The following RALYL variants were observed in gnomAD, a reference collection of about 807,000 sequenced individuals.
RALYL encodes RNA-binding Raly-like protein.
Under a neutral mutation model 35.1 loss-of-function variants are expected in RALYL, and 29 were observed. The ratio of observed to expected loss-of-function variants is 0.83; its 90% CI spans 0.61 to 1.13. RALYL has a LOEUF of 1.13. Among genes scored for constraint, RALYL ranks in the 50% most tolerant of loss-of-function variants. RALYL has a pLI of 0.00. For missense variants in RALYL, 359 were observed against 360.4 expected (o/e 1.00, Z 0.03); for synonymous variants, 120 against 127.6 (o/e 0.94, Z 0.40).
intron 1 of RALYL, among the ~76,000 whole-genome samples, chr8:84,445,611 G>A (rs1362658362): frequency 6.6e-6 from 1 of 151,498 alleles, no homozygotes; most frequent in Non-Finnish European, 1.5e-5. Flanking sequence ...AAAAAGAATG[G>A]TTAATACTGA....
Position 84,278,947 on chromosome 8 carries a change from A to G in RALYL, c.-24+94523A>G, listed in dbSNP as rs996492775. 7.2e-5 allele frequency among the ~76,000 whole-genome samples: 11 copies of G among 152,186 alleles called. 1 individual carries two copies. The highest frequency in any genetic ancestry group is 2.7e-4 in the African/African-American group (11 of 41,450). ...CCATGTTTTCAGGTATCTTTATAGT[A>G]GCACCTCACTCCTGGTACCAATTTA... On this transcript the variant is annotated intron_variant, in intron 1 of 8. Transcript: ENST00000521268.
intron 2 of RALYL, among the ~76,000 whole-genome samples, chr8:84,741,865 T>G (rs1807429618): frequency 1.3e-5 from 2 of 152,038 alleles, no homozygotes; most frequent in South Asian, 4.1e-4. Flanking sequence ...ACTGTTTTCA[T>G]TGTTAGTAGA....
At chr8:84,389,752 A>G (rs868044060) in intron 1 of RALYL, among the ~76,000 whole-genome samples, 2,824 of 147,384 alleles carry the variant, frequency 0.019, 57 homozygotes, top group African/African-American at 0.06. Context: ...GGCTGAGACA[A>G]TGGGGTTTTC....
intron 1 of RALYL, among the ~76,000 whole-genome samples, chr8:84,338,936 A>G (rs1264557378): frequency 1.3e-5 from 2 of 152,130 alleles, no homozygotes; most frequent in African/African-American, 2.4e-5. Flanking sequence ...AAGTGTATAG[A>G]AATTTTAAAA....
At chr8:84,849,384 A>G (rs1228937823) in intron 4 of RALYL, among the ~76,000 whole-genome samples, 1 of 152,066 alleles carries the variant, frequency 6.6e-6, no homozygotes, top group Non-Finnish European at 1.5e-5. Context: ...GGGTTATTAA[A>G]CCTTTCCATT....
At chr8:84,222,214 A>T (rs1385381407) in intron 1 of RALYL, among the ~76,000 whole-genome samples, 1 of 152,156 alleles carries the variant, frequency 6.6e-6, no homozygotes, top group African/African-American at 2.4e-5. Flanking sequence ...TTAAAAATTG[A>T]TTGCAAGTGT....
chr8:84,504,268 A>G (rs1399875163), intron 1 of RALYL, among the ~76,000 whole-genome samples: 1 of 152,120 alleles, frequency 6.6e-6, no homozygotes, highest in Non-Finnish European at 1.5e-5. Flanking sequence ...AATAACAATG[A>G]CCTATTCATT....
intron 2 of RALYL, among the ~76,000 whole-genome samples, chr8:84,734,417 A>G (rs1052660163): frequency 2.0e-5 from 3 of 152,142 alleles, no homozygotes; most frequent in Admixed American, 6.6e-5. Context: ...TTAAGGTACA[A>G]CTTTATAAAA....
chr8:84,718,790 A>G (rs1180712792), intron 2 of RALYL, among the ~76,000 whole-genome samples: 5 of 152,062 alleles, frequency 3.3e-5, no homozygotes. Context: ...GAAAGAAAAG[A>G]AAATAAACGT....
rs148992901 is a variant in RALYL, at chr8:84,451,074, T to C, written c.-23-78225T>C. Among the ~76,000 whole-genome samples the C allele has an allele frequency of 5.9e-5, 9 of 152,076 alleles. 2 individuals are homozygous for C. Among genetic ancestry groups the C allele is most frequent in the African/African-American group, 2.2e-4 (9 of 41,530 alleles). On this transcript the variant is annotated intron_variant, in intron 1 of 8. Transcript: ENST00000521268. The stretch of plus-strand genomic sequence containing the variant: ...TAAGTAAGAATATTTCAAGTAAGCA[T>C]TTCCAATTTCTATTCGGGTAAATAA...
intron 1 of RALYL, among the ~76,000 whole-genome samples, chr8:84,193,080 T>G (rs1001807745): frequency 1.3e-5 from 2 of 152,290 alleles, no homozygotes; most frequent in Admixed American, 1.3e-4. Flanking sequence ...GAAAAAAATA[T>G]GTTTATTGAG....
chr8:84,836,934 A>T (rs565837280), intron 4 of RALYL, among the ~76,000 whole-genome samples: 3 of 152,218 alleles, frequency 2.0e-5, no homozygotes, highest in Non-Finnish European at 4.4e-5. Flanking sequence ...TCCATAAAAC[A>T]TATTGTCCAT....
chr8:84,653,677 T>C (rs1240849868), intron 2 of RALYL, among the ~76,000 whole-genome samples: 1 of 151,630 alleles, frequency 6.6e-6, no homozygotes, highest in African/African-American at 2.4e-5. Flanking sequence ...CATTCCTCCA[T>C]AAAACATACC....
chr8:84,752,037 G>A (rs1043957056), intron 2 of RALYL, among the ~76,000 whole-genome samples: 3 of 152,196 alleles, frequency 2.0e-5, no homozygotes, highest in Non-Finnish European at 4.4e-5. Flanking sequence ...ACAGGAAGAT[G>A]AGGGAAGGTT....
intron 2 of RALYL, among the ~76,000 whole-genome samples, chr8:84,714,974 A>C (rs1034300969): frequency 2.7e-5 from 4 of 147,486 alleles, no homozygotes; most frequent in Admixed American, 1.3e-4. Context: ...CTACAAAAAA[A>C]ATGAAAGTAT....
At chr8:84,845,837 T>C (rs1482989330) in intron 4 of RALYL, among the ~76,000 whole-genome samples, 3 of 152,188 alleles carry the variant, frequency 2.0e-5, no homozygotes, top group African/African-American at 7.2e-5. Context: ...TGAAAGGTTG[T>C]GGTCTAGCTT....
At chr8:84,844,351 A>G (rs1834119585) in intron 4 of RALYL, among the ~76,000 whole-genome samples, 2 of 152,264 alleles carry the variant, frequency 1.3e-5, no homozygotes, top group Admixed American at 1.3e-4. Flanking sequence ...TTATGCATCC[A>G]AAAAACACAT....
At chr8:84,778,654 T>A (rs911143712) in intron 3 of RALYL, among the ~76,000 whole-genome samples, 1 of 152,172 alleles carries the variant, frequency 6.6e-6, no homozygotes, top group African/African-American at 2.4e-5. Flanking sequence ...GCTAGGATAG[T>A]CTACCTTGTG....
chr8:84,709,028 C>A (rs1327250947), intron 2 of RALYL, among the ~76,000 whole-genome samples: 6 of 152,082 alleles, frequency 3.9e-5, no homozygotes, highest in Middle Eastern at 3.2e-3. Context: ...TTTGGGTGAG[C>A]TTATCGACCT....
Sources: allele counts gnomAD v4.1 joint callset (sites outside exome capture counted in the v4.1 genomes callset), GRCh38; gene constraint gnomAD v4.1.1; transcripts MANE v1.5; gene names NCBI Gene and HGNC (gene_info 2026-07-23, HGNC 2026-07-21).